FAM83B: variants seen among roughly 807,000 people sequenced by gnomAD.
FAM83B encodes the protein scaffolding CK1 anchoring protein B, also known as protein FAM83B.
FAM83B carries 26 observed loss-of-function variants against 38.8 expected under a neutral mutation model. That is an observed-to-expected ratio of 0.67 (90% CI 0.49 to 0.93). The LOEUF is 0.93. FAM83B is among the 40% of genes least tolerant of loss of function. FAM83B has a pLI of 0.00. For synonymous variants in FAM83B, 419 were observed against 423.1 expected (o/e 0.99, Z 0.12); for missense variants, 1,237 against 1,197.3 (o/e 1.03, Z -0.49).
chr6:54,876,008 A>C (rs1411412978), intron 2 of FAM83B, among the ~76,000 whole-genome samples: 2 of 152,118 alleles, frequency 1.3e-5, no homozygotes. Flanking sequence ...ACTTGGTTGC[A>C]CACCAAAGTC....
At chr6:54,871,204 C>T (rs2127575437) in intron 2 of FAM83B, among the ~76,000 whole-genome samples, 1 of 152,172 alleles carries the variant, frequency 6.6e-6, no homozygotes, top group African/African-American at 2.4e-5. Context: ...AATTCTAAAG[C>T]AAGATTCTGA....
At chr6:54,885,284 G>A (rs1285517838) in intron 2 of FAM83B, among the ~76,000 whole-genome samples, 1 of 152,020 alleles carries the variant, frequency 6.6e-6, no homozygotes, top group East Asian at 1.9e-4. Context: ...CCTCTATTAA[G>A]TTATGTTTAA....
intron 2 of FAM83B, among the ~76,000 whole-genome samples, chr6:54,917,225 A>G (rs1773064215): frequency 6.6e-6 from 1 of 152,168 alleles, no homozygotes; most frequent in East Asian, 1.9e-4. Context: ...TACCTGAAAT[A>G]TATCAGTTAT....
chr6:54,852,727 T>C (rs1467496849), intron 1 of FAM83B, among the ~76,000 whole-genome samples: 1 of 152,096 alleles, frequency 6.6e-6, no homozygotes, highest in South Asian at 2.1e-4. Context: ...AAAGGAAAAG[T>C]TGTTGAAGGA....
At chr6:54,935,497 T>C (rs1018540344) in intron 4 of FAM83B, among the ~76,000 whole-genome samples, 1 of 152,010 alleles carries the variant, frequency 6.6e-6, no homozygotes, top group African/African-American at 2.4e-5. Flanking sequence ...GGGGCAGATA[T>C]CTGGGGGATA....
At chr6:54,904,709 G>T (rs1272556203) in intron 2 of FAM83B, among the ~76,000 whole-genome samples, 1 of 152,188 alleles carries the variant, frequency 6.6e-6, no homozygotes, top group Admixed American at 6.5e-5. Context: ...ATGACATTAG[G>T]ACTAGAGCTA....
At chr6:54,929,889 G>T (rs772997494) in intron 4 of FAM83B, among the ~76,000 whole-genome samples, 1 of 151,902 alleles carries the variant, frequency 6.6e-6, no homozygotes, top group African/African-American at 2.4e-5. Context: ...TAAAATATGT[G>T]CAGTACAAAA....
intron 1 of FAM83B, among the ~76,000 whole-genome samples, chr6:54,852,397 C>G (rs1046588886): frequency 6.6e-6 from 1 of 152,090 alleles, no homozygotes; most frequent in South Asian, 2.1e-4. Flanking sequence ...TGATGTTACT[C>G]TTGTAATTTT....
intron 2 of FAM83B, among the ~76,000 whole-genome samples, chr6:54,875,292 C>T (rs1459168193): frequency 1.3e-5 from 2 of 151,988 alleles, no homozygotes; most frequent in Admixed American, 6.6e-5. Context: ...TACTTTCATC[C>T]GCATCCCTTT....
intron 1 of FAM83B, 132 bp from the exon 2 acceptor site, chr6:54,870,055 A>G (rs1411091767): frequency 5.5e-6 from 3 of 544,530 alleles, no homozygotes; most frequent in Non-Finnish European, 9.8e-6. Flanking sequence ...CATTTTGGAT[A>G]TGAAATATGT....
intron 1 of FAM83B, among the ~76,000 whole-genome samples, chr6:54,861,246 A>G (rs1181426010): frequency 6.6e-6 from 1 of 152,236 alleles, no homozygotes; most frequent in Non-Finnish European, 1.5e-5. Flanking sequence ...AAACTGCATC[A>G]AAATGTCCCA....
At chr6:54,867,507 C>T (rs967987305) in intron 1 of FAM83B, among the ~76,000 whole-genome samples, 3 of 151,884 alleles carry the variant, frequency 2.0e-5, no homozygotes, top group African/African-American at 7.3e-5. Context: ...ATATTGTAAC[C>T]TCATTGTTCA....
intron 2 of FAM83B, among the ~76,000 whole-genome samples, chr6:54,900,705 G>T (rs973609116): frequency 6.6e-6 from 1 of 152,150 alleles, no homozygotes; most frequent in Non-Finnish European, 1.5e-5. Context: ...GAAATCCAGT[G>T]CTTGACCTAG....
chr6:54,902,830 G>C (rs915134888), intron 2 of FAM83B, among the ~76,000 whole-genome samples: 2 of 152,124 alleles, frequency 1.3e-5, no homozygotes, highest in East Asian at 3.9e-4. Context: ...CTCTCTCTCT[G>C]TGTACAAGAA....
chr6:54,857,400 T>G (rs1464603947), intron 1 of FAM83B, among the ~76,000 whole-genome samples: 1 of 152,210 alleles, frequency 6.6e-6, no homozygotes, highest in Admixed American at 6.5e-5. Flanking sequence ...TGTTGTAAAT[T>G]ATACTACATT....
At chr6:54,910,205 T>G (rs1165122241) in intron 2 of FAM83B, among the ~76,000 whole-genome samples, 30 of 152,078 alleles carry the variant, frequency 2.0e-4, no homozygotes, top group Admixed American at 1.5e-3. Context: ...GCCAGATGGA[T>G]TCTATCCAAC....
At chr6:54,877,761 C>T (rs1482275535) in intron 2 of FAM83B, among the ~76,000 whole-genome samples, 1 of 152,130 alleles carries the variant, frequency 6.6e-6, no homozygotes, top group African/African-American at 2.4e-5. Flanking sequence ...ATGAAAAATA[C>T]TGCGTTCACG....
chr6:54,899,342 G>C (rs1293502690), intron 2 of FAM83B, among the ~76,000 whole-genome samples: 1 of 152,134 alleles, frequency 6.6e-6, no homozygotes, highest in Non-Finnish European at 1.5e-5. Context: ...ATTTTGCATT[G>C]AGATTTTAGG....
rs193236145 is a variant in FAM83B, at chr6:54,923,340, T to A, written c.445-3031T>A. ...ATCTTCTCTCCTTTCTATATCAAACTTAAAGCCCATGATCAATCATTTCAG... is the reference window on the plus strand; with the variant it reads ...ATCTTCTCTCCTTTCTATATCAAACATAAAGCCCATGATCAATCATTTCAG... On this transcript the variant is annotated intron_variant, in intron 2 of 4. Coordinates refer to ENST00000306858, the MANE Select transcript of FAM83B (RefSeq NM_001010872.3). Among the ~76,000 whole-genome samples, 485 of 152,162 alleles carry A rather than the reference T, an allele frequency of 3.2e-3. 1 individual carries two copies. The highest frequency in any genetic ancestry group is 0.011 in the African/African-American group (462 of 41,540).
Sources: gnomAD v4.1 joint callset for allele counts (sites outside exome capture counted in the v4.1 genomes callset) on GRCh38, gnomAD v4.1.1 for gene constraint, MANE v1.5 for transcripts, NCBI Gene and HGNC (gene_info 2026-07-23, HGNC 2026-07-21) for gene names.